Variants in FAM114A2 observed in about 807,000 individuals in gnomAD.
FAM114A2 encodes the protein protein FAM114A2.
FAM114A2 carries 53 observed loss-of-function variants against 58.4 expected under a neutral mutation model. That is an observed-to-expected ratio of 0.91 (90% confidence interval 0.73 to 1.14). FAM114A2 has a LOEUF of 1.14. Among genes scored for constraint, FAM114A2 ranks in the 50% most tolerant of loss-of-function variants. The pLI is 0.00. For missense variants in FAM114A2, 601 were observed against 581.1 expected (o/e 1.03, Z -0.35); for synonymous variants, 228 against 211.4 (o/e 1.08, Z -0.68).
rs1769427125 is a variant in FAM114A2, at chr5:153,994,360, A to G, written c.1383+559T>C. On this transcript the variant is annotated intron_variant, in intron 13 of 13. Coordinates refer to ENST00000351797, the MANE Select transcript of FAM114A2 (RefSeq NM_018691.4). ...GTTTACAAGGTAGAGTTCTTAAAAC[A>G]TGGAATCCAGAAAACATCACATAGG... Among the ~76,000 whole-genome samples the G allele has an allele frequency of 4.6e-5, 7 of 152,220 alleles. 1 individual carries two copies. Among genetic ancestry groups the G allele is most frequent in the Admixed American group, 4.6e-4 (7 of 15,278 alleles).
At chr5:153,994,889 G>C (rs769702878) in intron 13 of FAM114A2, 30 bp downstream of exon 13, 1 of 1,432,288 alleles carries the variant, frequency 7.0e-7, no homozygotes, top group South Asian at 1.1e-5. Flanking sequence ...TAATACCTTT[G>C]GAGTCAGAGA....
At chr5:154,008,674 ATG>A (rs375012511) in intron 9 of FAM114A2, among the ~76,000 whole-genome samples, 171 of 151,298 alleles carry the variant, frequency 1.1e-3, no homozygotes, top group South Asian at 6.3e-4. Flanking sequence ...CTATATGTGT[ATG>A]TGTGTGTGTG....
At chr5:154,036,059 G>C (rs1287624630) in intron 1 of FAM114A2, among the ~76,000 whole-genome samples, 4 of 151,796 alleles carry the variant, frequency 2.6e-5, no homozygotes, top group Non-Finnish European at 4.4e-5. Context: ...AGTTTTGAGA[G>C]CTCTTCATAT....
At chr5:153,993,240 G>A in intron 13 of FAM114A2, 130 bp from the exon 14 acceptor site, 3 of 673,812 alleles carry the variant, frequency 4.5e-6, no homozygotes, top group Non-Finnish European at 6.9e-6. Flanking sequence ...AGTAAGAGCA[G>A]TGACTTGGCC....
chr5:154,033,966 C>A (rs1334676132), intron 3 of FAM114A2, 83 bp from the exon 4 acceptor site: 2 of 819,362 alleles, frequency 2.4e-6, no homozygotes, highest in Non-Finnish European at 4.1e-6. Context: ...TTTTTAAAAT[C>A]ATTTAGGACC....
Position 153,991,780 on chromosome 5 carries a change from AT to A in FAM114A2, c.*1195del, listed in dbSNP as rs1308395611. On this transcript the variant is annotated 3_prime_UTR_variant, in exon 14 of 14. Coordinates refer to ENST00000351797, the MANE Select transcript of FAM114A2 (RefSeq NM_018691.4). ...AAGGATCAAATAACATGATTAATAC[AT>A]TTTATTACAAAGGTTTTAGAAGATG... The A allele has an allele frequency of 6.6e-6, 1 of 151,482 alleles. No individual in the cohort carries two copies. The highest frequency in any genetic ancestry group is 1.5e-5 in the Non-Finnish European group (1 of 67,966). 9.4% of individuals were successfully genotyped at this position (151,482 alleles called of 1,614,324 possible).
chr5:154,032,438 G>T (rs1772263551), intron 4 of FAM114A2, among the ~76,000 whole-genome samples: 1 of 152,136 alleles, frequency 6.6e-6, no homozygotes, highest in Non-Finnish European at 1.5e-5. Context: ...GTGTCATGAA[G>T]ATGCTGCTGT....
chr5:154,020,028 A>G (rs552799388), intron 8 of FAM114A2, among the ~76,000 whole-genome samples: 54 of 152,344 alleles, frequency 3.5e-4, no homozygotes, highest in African/African-American at 1.2e-3. Context: ...AAACTGAACA[A>G]CCTGCTCCTG....
chr5:154,028,460 T>C (rs1561573170), intron 5 of FAM114A2, among the ~76,000 whole-genome samples, 177 bp from the exon 6 acceptor site: 1 of 152,184 alleles, frequency 6.6e-6, no homozygotes, highest in African/African-American at 2.4e-5. Context: ...ATAACCACAT[T>C]AGAAAACTGT....
At chr5:154,027,423 GT>G in intron 6 of FAM114A2, 89 bp from the exon 7 acceptor site, 1 of 1,162,968 alleles carries the variant, frequency 8.6e-7, no homozygotes, top group Non-Finnish European at 1.2e-6. Flanking sequence ...GCTTAGACAG[GT>G]TAGAGTACAG....
intron 8 of FAM114A2, among the ~76,000 whole-genome samples, chr5:154,021,931 G>A (rs749868246): frequency 3.3e-5 from 5 of 152,148 alleles, no homozygotes; most frequent in East Asian, 1.9e-4. Flanking sequence ...GCATGGTACT[G>A]GTACCAAACG....
At chr5:154,028,553 A>C (rs1736969460) in intron 5 of FAM114A2, among the ~76,000 whole-genome samples, 1 of 152,222 alleles carries the variant, frequency 6.6e-6, no homozygotes, top group African/African-American at 2.4e-5. Context: ...GAGGTTCATC[A>C]GAAGACATGC....
At position 154,038,523 on chromosome 5, in the gene FAM114A2, G is replaced by T. The variant is rs576844421; in HGVS notation, c.-15+334C>A. ...ACAGGTTAACAGCTGCTATCACTTGGTGGGGTGATGGTTTGTATCCTATCG... is the reference window on the plus strand; with the variant it reads ...ACAGGTTAACAGCTGCTATCACTTGTTGGGGTGATGGTTTGTATCCTATCG... On this transcript the variant is annotated intron_variant, in intron 1 of 13. Transcript: ENST00000351797. 3 of 152,306 alleles carry T rather than the reference G, an allele frequency of 2.0e-5. No homozygotes were observed. In the South Asian group the frequency reaches 6.2e-4, roughly 32 times the overall value. 9.4% of individuals were successfully genotyped at this position (152,306 alleles called of 1,614,324 possible).
chr5:154,025,970 G>A lies in FAM114A2; in HGVS notation c.913+429C>T, dbSNP rs868214061. On this transcript the variant is annotated intron_variant, in intron 8 of 13. Coordinates refer to ENST00000351797, the MANE Select transcript of FAM114A2 (RefSeq NM_018691.4). ...ACTATCACCCACATTTTAGATAACT[G>A]CCATCCTGCATGCTTCAATTCAAGA... Among the ~76,000 whole-genome samples, 16 of 152,112 alleles carry A rather than the reference G, an allele frequency of 1.1e-4. No individual in the cohort carries two copies. The South Asian group carries it at 3.3e-3, about 32-fold the overall frequency.
chr5:154,018,241 T>C (rs921183056), intron 8 of FAM114A2, among the ~76,000 whole-genome samples: 8 of 152,042 alleles, frequency 5.3e-5, no homozygotes, highest in African/African-American at 1.9e-4. Flanking sequence ...AAAACTGACA[T>C]CACAGAAATA....
chr5:154,034,281 C>T lies in FAM114A2; in HGVS notation c.307G>A (p.Val103Ile). 1 of 1,566,668 alleles carries T rather than the reference C, an allele frequency of 6.4e-7. No homozygotes were observed. The highest frequency in any genetic ancestry group is 1.2e-5 in the South Asian group (1 of 85,152). Residue 103 changes from valine to isoleucine, a missense_variant, in exon 3 of 14, where the codon GTA becomes ATA. By Grantham distance (29) the Val-to-Ile change is conservative. Transcript: ENST00000351797. Reference protein sequence around the residue: ...LSSASATVATVGQGISNVIEK... With the variant: ...LSSASATVATIGQGISNVIEK... Reference sequence around the variant, plus strand: ...ACTAAATGACTGATGATCTTACCTACTGTAGCTACTGTAGCCGAGGCTGAG... The same window carrying T: ...ACTAAATGACTGATGATCTTACCTATTGTAGCTACTGTAGCCGAGGCTGAG...
chr5:154,024,445 C>T (rs901048217), intron 8 of FAM114A2, among the ~76,000 whole-genome samples: 1 of 152,000 alleles, frequency 6.6e-6, no homozygotes, highest in Non-Finnish European at 1.5e-5. Context: ...GAGAACAGTG[C>T]CATCAGGGTT....
intron 8 of FAM114A2, among the ~76,000 whole-genome samples, chr5:154,018,022 C>A (rs1012786359): frequency 2.0e-5 from 3 of 152,080 alleles, no homozygotes; most frequent in Non-Finnish European, 2.9e-5. Flanking sequence ...GAAACAAGAA[C>A]AAACCAAACC....
chr5:154,016,858 C>T (rs952514302), intron 8 of FAM114A2, among the ~76,000 whole-genome samples: 1 of 152,118 alleles, frequency 6.6e-6, no homozygotes. Context: ...TAAGAACTCA[C>T]CAACCATCTG....
Sources: allele counts gnomAD v4.1 joint callset (sites outside exome capture counted in the v4.1 genomes callset), GRCh38; gene constraint gnomAD v4.1.1; transcripts MANE v1.5; gene names NCBI Gene and HGNC (gene_info 2026-07-23, HGNC 2026-07-21).